The following COL19A1 variants were observed in gnomAD, a reference collection of about 807,000 sequenced individuals.
COL19A1 encodes the protein collagen alpha-1(XIX) chain.
Under a neutral mutation model 190.2 loss-of-function variants are expected in COL19A1, and 159 were observed. That is an observed-to-expected ratio of 0.84 (90% CI 0.73 to 0.95). The LOEUF (loss-of-function observed/expected upper bound fraction) is 0.95. Among genes scored for constraint, COL19A1 ranks in the 40% least tolerant of loss-of-function variants. The pLI, the probability that COL19A1 is intolerant of heterozygous loss-of-function variation, is 0.00. For synonymous variants in COL19A1, 509 were observed against 458.9 expected (o/e 1.11, Z -1.39); for missense variants, 1,418 against 1,431.9 (o/e 0.99, Z 0.16).
intron 11 of COL19A1, among the ~76,000 whole-genome samples, chr6:69,997,506 A>C (rs1776991616): frequency 6.6e-6 from 1 of 152,226 alleles, no homozygotes; most frequent in Non-Finnish European, 1.5e-5. Flanking sequence ...AATTAAGTGA[A>C]AATATGACAA....
rs150172383 is a variant in COL19A1 at position 70,138,916 on chromosome 6, C to T, written c.1446+1169C>T. ...TCCAGCCTGGTGCATGCCCCTGGTA[C>T]CTGCCAACTCTCTAGGTGCTCCACA... is the stretch of plus-strand genomic sequence containing the variant. On this transcript the variant is annotated intron_variant, in intron 19 of 50. Transcript: ENST00000620364. Among the ~76,000 whole-genome samples, 576 of 152,124 alleles carry T rather than the reference C, an allele frequency of 3.8e-3. 6 individuals are homozygous for T. The highest frequency in any genetic ancestry group is 0.013 in the African/African-American group (547 of 41,504).
intron 1 of COL19A1, among the ~76,000 whole-genome samples, chr6:69,872,033 T>C: frequency 6.6e-6 from 1 of 152,158 alleles, no homozygotes; most frequent in Non-Finnish European, 1.5e-5. Flanking sequence ...GCCAGACTTG[T>C]CTCGAACTCC....
intron 46 of COL19A1, among the ~76,000 whole-genome samples, chr6:70,187,251 T>C (rs1766584642): frequency 6.6e-6 from 1 of 152,192 alleles, no homozygotes; most frequent in Non-Finnish European, 1.5e-5. Context: ...CCCAGTCACC[T>C]GCTTTGATCT....
At chr6:70,135,646 A>G (rs1329495899) in intron 18 of COL19A1, among the ~76,000 whole-genome samples, 3 of 152,178 alleles carry the variant, frequency 2.0e-5, no homozygotes, top group Non-Finnish European at 1.5e-5. Context: ...GTATTGCAAA[A>G]TCAGCCAGCA....
At chr6:69,931,848 T>G (rs1047482412) in intron 6 of COL19A1, among the ~76,000 whole-genome samples, 1 of 151,684 alleles carries the variant, frequency 6.6e-6, no homozygotes, top group African/African-American at 2.4e-5. Flanking sequence ...AAGTTATAGA[T>G]TTTTCCCCCC....
Position 69,968,567 on chromosome 6 carries a change from T to A in COL19A1, c.1026+5697T>A, listed in dbSNP as rs964276846. Among the ~76,000 whole-genome samples the A allele has an allele frequency of 2.0e-5, 3 of 152,194 alleles. No individual in the cohort carries two copies. In the South Asian group the frequency reaches 6.2e-4, roughly 31 times the overall value. On this transcript the variant is annotated intron_variant, in intron 11 of 50. Coordinates refer to ENST00000620364, the MANE Select transcript of COL19A1 (RefSeq NM_001858.6). ...AAATATTGACTTCTAGCATTAAATG[T>A]CATGAAATTATAGTAACTCAGAAAA... is the stretch of plus-strand genomic sequence containing the variant.
chr6:70,023,818 T>A, intron 12 of COL19A1, 138 bp downstream of exon 12: 1 of 682,676 alleles, frequency 1.5e-6, no homozygotes, highest in Non-Finnish European at 2.4e-6. Flanking sequence ...TGGTGTTCTT[T>A]CACATGGCTC....
chr6:69,925,376 C>T (rs1335652987), intron 4 of COL19A1, among the ~76,000 whole-genome samples: 2 of 152,052 alleles, frequency 1.3e-5, no homozygotes, highest in African/African-American at 4.8e-5. Context: ...TGTCAGGTTT[C>T]TCAAAGATCA....
chr6:69,890,941 T>G (rs1233963344), intron 2 of COL19A1: 1 of 200,906 alleles, frequency 5.0e-6, no homozygotes, highest in Non-Finnish European at 1.1e-5. Context: ...TTCTTCCTGC[T>G]GACAGGGGTT....
chr6:70,210,910 G>A lies in COL19A1; in HGVS notation c.*3636G>A, dbSNP rs1324338903. Among the ~76,000 whole-genome samples, 3 of 151,478 alleles carry A rather than the reference G, an allele frequency of 2.0e-5. No individual in the cohort carries two copies. The highest frequency in any genetic ancestry group is 4.9e-5 in the African/African-American group (2 of 41,172). On this transcript the variant is annotated 3_prime_UTR_variant, in exon 51 of 51. Coordinates refer to ENST00000620364, the MANE Select transcript of COL19A1 (RefSeq NM_001858.6). ...TTGACTGTTTTGATTTTATTTCTTTGGTGGATATATATGTACTTATACACT... is the reference window on the plus strand; with the variant it reads ...TTGACTGTTTTGATTTTATTTCTTTAGTGGATATATATGTACTTATACACT...
chr6:70,037,337 G>A (rs1779406686), intron 14 of COL19A1, among the ~76,000 whole-genome samples: 2 of 151,998 alleles, frequency 1.3e-5, no homozygotes, highest in South Asian at 4.1e-4. Flanking sequence ...TGTATGTTTA[G>A]TAGAGACAGG....
At chr6:70,174,740 G>T (rs769958070) in intron 41 of COL19A1, among the ~76,000 whole-genome samples, 89 of 152,296 alleles carry the variant, frequency 5.8e-4, no homozygotes, top group Non-Finnish European at 3.7e-4. Flanking sequence ...ACAAGGGAAT[G>T]ATTCTAACAA....
At chr6:69,985,725 G>A (rs1776275625) in intron 11 of COL19A1, among the ~76,000 whole-genome samples, 1 of 152,110 alleles carries the variant, frequency 6.6e-6, no homozygotes, top group South Asian at 2.1e-4. Flanking sequence ...GCTCAGAAAT[G>A]TCTCTCCTGA....
chr6:70,161,841 C>G lies in COL19A1; in HGVS notation c.2293-59C>G, dbSNP rs370969250. The G allele has an allele frequency of 7.9e-6, 11 of 1,400,074 alleles. No individual in the cohort carries two copies. In the African/African-American group the frequency reaches 1.3e-4, roughly 17 times the overall value. 86.7% of individuals were successfully genotyped at this position (1,400,074 alleles called of 1,614,324 possible). A position where few individuals can be genotyped will look rare whatever the true frequency, so the allele number is the denominator to read the frequency against. On this transcript the variant is annotated intron_variant, in intron 34 of 50. Coordinates refer to ENST00000620364, the MANE Select transcript of COL19A1 (RefSeq NM_001858.6). ...TTCAATGGTCAAAATATTTGATTAA[C>G]TAAAATGCCTTCTTCCCAATGATAT...
At chr6:70,180,428 G>A (rs942904706) in intron 43 of COL19A1, 33 bp from the exon 44 acceptor site, 1 of 1,613,972 alleles carries the variant, frequency 6.2e-7, no homozygotes, top group Non-Finnish European at 8.5e-7. Flanking sequence ...ACATTTGTTG[G>A]CAATTAATTT....
At chr6:69,904,641 T>C (rs896154534) in intron 4 of COL19A1, among the ~76,000 whole-genome samples, 2 of 152,100 alleles carry the variant, frequency 1.3e-5, no homozygotes, top group African/African-American at 4.8e-5. Context: ...TTTTGACAGA[T>C]CATAGGGTGA....
chr6:69,965,949 T>G (rs1736669196), intron 11 of COL19A1, among the ~76,000 whole-genome samples: 1 of 152,088 alleles, frequency 6.6e-6, no homozygotes, highest in Non-Finnish European at 1.5e-5. Context: ...CTTCTGGGGA[T>G]TTTCCTTAGA....
intron 4 of COL19A1, among the ~76,000 whole-genome samples, chr6:69,927,035 A>C (rs1376260543): frequency 6.6e-6 from 1 of 152,126 alleles, no homozygotes; most frequent in Admixed American, 6.6e-5. Context: ...ATCCTTCAAA[A>C]CTGAAGGTGA....
intron 9 of COL19A1, among the ~76,000 whole-genome samples, chr6:69,948,365 T>G (rs986169956): frequency 6.6e-6 from 1 of 151,842 alleles, no homozygotes; most frequent in Non-Finnish European, 1.5e-5. Flanking sequence ...TTTATCAAGG[T>G]TGGTATAAAA....
Sources: allele counts gnomAD v4.1 joint callset (sites outside exome capture counted in the v4.1 genomes callset), GRCh38; gene constraint gnomAD v4.1.1; transcripts MANE v1.5; gene names NCBI Gene and HGNC (gene_info 2026-07-23, HGNC 2026-07-21).